Variants in CNDP1 observed in about 807,000 individuals in gnomAD.
CNDP1 encodes the protein carnosine dipeptidase 1.
A neutral mutation model predicts 58.1 loss-of-function variants in CNDP1; 44 were observed. That is an observed-to-expected ratio of 0.76 (90% CI 0.60 to 0.97). CNDP1 has a LOEUF of 0.97. Among genes scored for constraint, CNDP1 ranks in the 50% least tolerant of loss-of-function variants. CNDP1 has a pLI of 0.00. For missense variants in CNDP1, 616 were observed against 655.1 expected (o/e 0.94, Z 0.65); for synonymous variants, 254 against 252.6 (o/e 1.01, Z -0.05).
chr18:74,542,224 TGA>T (rs929983324), intron 1 of CNDP1, among the ~76,000 whole-genome samples: 8 of 152,164 alleles, frequency 5.3e-5, no homozygotes, highest in Non-Finnish European at 1.0e-4. Flanking sequence ...GCTGACAGGG[TGA>T]GGTTTGCTTG....
intron 5 of CNDP1, among the ~76,000 whole-genome samples, chr18:74,562,999 C>T (rs529418861): frequency 1.1e-4 from 16 of 152,268 alleles, no homozygotes; most frequent in Admixed American, 2.6e-4. Context: ...TCCTGGACGC[C>T]GCCTCAGCCC....
intron 6 of CNDP1, among the ~76,000 whole-genome samples, chr18:74,570,202 ATAATAATAATAATAAT>A (rs1981439147): frequency 7.2e-5 from 2 of 27,870 alleles, no homozygotes; most frequent in South Asian, 3.2e-3. Flanking sequence ...CTGTCTCAAA[ATAATAATAATAATAAT>A]TAATAATAAT....
chr18:74,585,452 C>G lies in CNDP1; in HGVS notation c.*890C>G, dbSNP rs575165342. The G allele has an allele frequency of 6.6e-6, 1 of 152,248 alleles. No individual in the cohort carries two copies. The highest frequency in any genetic ancestry group is 2.4e-5 in the African/African-American group (1 of 41,538). The allele number at this position is 152,248 out of a possible 1,614,324, so 9.4% of individuals were successfully genotyped here. On this transcript the variant is annotated 3_prime_UTR_variant, in exon 12 of 12. Transcript: ENST00000358821. ...AGTTTTAGATAGAGAACTAATCAAC[C>G]CTGACATCAGTAACACACGCTAAAT... is the stretch of plus-strand genomic sequence containing the variant.
intron 1 of CNDP1, among the ~76,000 whole-genome samples, 182 bp from the exon 2 acceptor site, chr18:74,556,156 A>C (rs1258042090): frequency 6.6e-6 from 1 of 152,182 alleles, no homozygotes; most frequent in Non-Finnish European, 1.5e-5. Context: ...ATTGGAAATA[A>C]AGTGTTTGGG....
intron 6 of CNDP1, among the ~76,000 whole-genome samples, chr18:74,570,033 CAA>C (rs56365298): frequency 0.021 from 2,013 of 94,134 alleles, 16 homozygotes; most frequent in Middle Eastern, 0.051. Flanking sequence ...GAAGAAAATA[CAA>C]AAAAAAAAAA....
At chr18:74,568,199 A>C (rs916391401) in intron 6 of CNDP1, among the ~76,000 whole-genome samples, 3 of 152,188 alleles carry the variant, frequency 2.0e-5, no homozygotes, top group Non-Finnish European at 4.4e-5. Flanking sequence ...TCCATGCTGT[A>C]TCCAATCCCT....
At chr18:74,539,862 A>G (rs765028292) in intron 1 of CNDP1, among the ~76,000 whole-genome samples, 2 of 152,220 alleles carry the variant, frequency 1.3e-5, no homozygotes, top group Non-Finnish European at 2.9e-5. Context: ...GTTTCAAGAG[A>G]GCCCCTCCCA....
chr18:74,536,970 G>A (rs943715727), intron 1 of CNDP1, among the ~76,000 whole-genome samples: 3 of 152,030 alleles, frequency 2.0e-5, no homozygotes, highest in African/African-American at 7.2e-5. Flanking sequence ...CCTTTGCCCA[G>A]TTTTTAATGG....
chr18:74,534,536 C>T lies in CNDP1; in HGVS notation c.-132C>T. ...GCTCCACTATACCAGCCTCGTCTTC[C>T]TTCCGGGGGACAACGTGGGTCAGGG... On this transcript the variant is annotated 5_prime_UTR_variant, in exon 1 of 12. Transcript: ENST00000358821. 1 of 918,018 alleles carries T rather than the reference C, an allele frequency of 1.1e-6. No individual in the cohort carries two copies. Among genetic ancestry groups the T allele is most frequent in the Non-Finnish European group, 1.7e-6 (1 of 572,062 alleles). 56.9% of individuals were successfully genotyped at this position (918,018 alleles called of 1,614,324 possible). A position where few individuals can be genotyped will look rare whatever the true frequency, so the allele number is the denominator to read the frequency against.
At chr18:74,553,933 G>A (rs1232331817) in intron 1 of CNDP1, among the ~76,000 whole-genome samples, 1 of 152,166 alleles carries the variant, frequency 6.6e-6, no homozygotes, top group Non-Finnish European at 1.5e-5. Flanking sequence ...CTGACAGCTG[G>A]TGAGCTCTCT....
At chr18:74,577,160 C>A (rs1400840722) in intron 8 of CNDP1, 131 bp downstream of exon 8, 1 of 875,072 alleles carries the variant, frequency 1.1e-6, no homozygotes. Context: ...AATTCCCAGG[C>A]ATATTTTTGA....
rs147313843 is a variant in CNDP1, at chr18:74,569,157, G to A, written c.756+1724G>A. Among the ~76,000 whole-genome samples, 335 of 152,240 alleles carry A rather than the reference G, an allele frequency of 2.2e-3. 1 individual carries two copies. The highest frequency in any genetic ancestry group is 2.9e-3 in the South Asian group (14 of 4,820). On this transcript the variant is annotated intron_variant, in intron 6 of 11. Coordinates refer to ENST00000358821, the MANE Select transcript of CNDP1 (RefSeq NM_032649.6). ...TGTGAGACAGCCAGCTCAAGCTTTC[G>A]AAGTGAGACCGTCCACACTCCAGAG... is the stretch of plus-strand genomic sequence containing the variant.
intron 1 of CNDP1, among the ~76,000 whole-genome samples, chr18:74,540,362 G>T (rs1020390803): frequency 6.6e-6 from 1 of 152,102 alleles, no homozygotes; most frequent in Non-Finnish European, 1.5e-5. Flanking sequence ...GTTTCACCAT[G>T]TTGGCCAGGC....
At chr18:74,575,821 G>T (rs1265489190) in intron 7 of CNDP1, among the ~76,000 whole-genome samples, 1 of 129,346 alleles carries the variant, frequency 7.7e-6, no homozygotes, top group Non-Finnish European at 1.6e-5. Context: ...ATGTATGTAG[G>T]TGTGTATACA....
chr18:74,573,732 A>G (rs182990375), intron 7 of CNDP1, among the ~76,000 whole-genome samples: 36 of 152,330 alleles, frequency 2.4e-4, no homozygotes, highest in Admixed American at 1.4e-3. Context: ...TCTTCCCACA[A>G]GCATGATTGC....
chr18:74,569,076 G>A (rs1171436801), intron 6 of CNDP1, among the ~76,000 whole-genome samples: 4 of 152,186 alleles, frequency 2.6e-5, no homozygotes, highest in East Asian at 3.9e-4. Flanking sequence ...AATGAAGACC[G>A]AGAACAGGTG....
chr18:74,548,319 A>C, intron 1 of CNDP1, among the ~76,000 whole-genome samples: 1 of 152,046 alleles, frequency 6.6e-6, no homozygotes, highest in Non-Finnish European at 1.5e-5. Flanking sequence ...ATAGTGAGTG[A>C]ATTCTTGCAA....
chr18:74,560,203 A>C (rs1981152416), intron 3 of CNDP1, among the ~76,000 whole-genome samples: 1 of 151,976 alleles, frequency 6.6e-6, no homozygotes, highest in Admixed American at 6.6e-5. Flanking sequence ...TTTATTAGAC[A>C]CAGGGTTTCA....
chr18:74,549,293 G>A (rs980888093), intron 1 of CNDP1, among the ~76,000 whole-genome samples: 6 of 152,164 alleles, frequency 3.9e-5, no homozygotes, highest in South Asian at 2.1e-4. Context: ...ATTCCTACAC[G>A]TGATGTTAAC....
Sources: gnomAD v4.1 joint callset for allele counts (sites outside exome capture counted in the v4.1 genomes callset) on GRCh38, gnomAD v4.1.1 for gene constraint, MANE v1.5 for transcripts, NCBI Gene and HGNC (gene_info 2026-07-23, HGNC 2026-07-21) for gene names.